The following APBB2 variants were observed in gnomAD, a reference collection of about 807,000 sequenced individuals.
APBB2 encodes amyloid beta precursor protein binding family B member 2, also known as Fe65-like 1.
APBB2 carries 38 observed loss-of-function variants against 82.5 expected under a neutral mutation model. That is an observed-to-expected ratio of 0.46 (90% CI 0.36 to 0.60). The LOEUF (loss-of-function observed/expected upper bound fraction) is 0.60. Ranked by LOEUF, APBB2 falls within the 20% of genes least tolerant of loss-of-function variation. The probability of loss-of-function intolerance (pLI) is 0.00; values close to 1 mark genes in which losing one functional copy is unlikely to be tolerated. For synonymous variants in APBB2, 341 were observed against 368.2 expected (o/e 0.93, Z 0.85); for missense variants, 772 against 972.3 (o/e 0.79, Z 2.74).
At chr4:41,102,958 T>C (rs1745978559) in intron 2 of APBB2, among the ~76,000 whole-genome samples, 1 of 152,248 alleles carries the variant, frequency 6.6e-6, no homozygotes, top group South Asian at 2.1e-4. Context: ...CTGTGAGTTT[T>C]ACTGCAGGAT....
At chr4:40,902,980 A>G (rs1353704017) in intron 10 of APBB2, among the ~76,000 whole-genome samples, 1 of 152,164 alleles carries the variant, frequency 6.6e-6, no homozygotes, top group Admixed American at 6.5e-5. Flanking sequence ...GTCTGTAAAA[A>G]AAATTTTTTT....
intron 4 of APBB2, among the ~76,000 whole-genome samples, chr4:41,057,835 C>A (rs1431566621): frequency 6.6e-6 from 1 of 152,184 alleles, no homozygotes; most frequent in Non-Finnish European, 1.5e-5. Context: ...AGGTCTTAAG[C>A]TTCCCAAGTC....
intron 1 of APBB2, among the ~76,000 whole-genome samples, chr4:41,202,701 TA>T (rs1256450812): frequency 6.6e-6 from 1 of 152,220 alleles, no homozygotes; most frequent in Non-Finnish European, 1.5e-5. Context: ...TTTCAAAAAT[TA>T]ACTTTCAAGG....
chr4:41,082,612 A>G (rs1396107194), intron 3 of APBB2, among the ~76,000 whole-genome samples: 1 of 149,548 alleles, frequency 6.7e-6, no homozygotes, highest in Non-Finnish European at 1.5e-5. Context: ...CTGCTCTGTC[A>G]CCCAGGCTGA....
At chr4:40,856,931 C>T in intron 12 of APBB2, 3 of 985,230 alleles carry the variant, frequency 3.0e-6, no homozygotes, top group Non-Finnish European at 2.4e-6. Flanking sequence ...CCGCGCCCGC[C>T]TCGCTGTCCC....
At chr4:40,949,686 G>T (rs1395498898) in intron 6 of APBB2, among the ~76,000 whole-genome samples, 1 of 152,086 alleles carries the variant, frequency 6.6e-6, no homozygotes, top group African/African-American at 2.4e-5. Context: ...TTTGTTCTCA[G>T]AAAATTACTT....
intron 12 of APBB2, among the ~76,000 whole-genome samples, chr4:40,846,708 G>T (rs1162137419): frequency 6.6e-6 from 1 of 152,154 alleles, no homozygotes; most frequent in African/African-American, 2.4e-5. Flanking sequence ...GTAAAGCCAG[G>T]AGTTAAAGTG....
At chr4:40,890,628 C>T (rs1771727714) in intron 11 of APBB2, 137 bp from the exon 12 acceptor site, 2 of 1,189,992 alleles carry the variant, frequency 1.7e-6, no homozygotes, top group Non-Finnish European at 2.3e-6. Context: ...GCCTAAGAAA[C>T]TTCCTTTCTG....
chr4:40,997,914 T>C (rs1002938016), intron 6 of APBB2, among the ~76,000 whole-genome samples: 1 of 152,208 alleles, frequency 6.6e-6, no homozygotes, highest in Non-Finnish European at 1.5e-5. Context: ...AGTAGGGCTG[T>C]CATTTCAAGG....
At chr4:40,870,892 C>A (rs747424908) in intron 12 of APBB2, among the ~76,000 whole-genome samples, 1 of 151,930 alleles carries the variant, frequency 6.6e-6, no homozygotes, top group African/African-American at 2.4e-5. Context: ...GACACCACAC[C>A]CAGCTAATTT....
chr4:40,873,520 G>A (rs577278754), intron 12 of APBB2, among the ~76,000 whole-genome samples: 417 of 152,306 alleles, frequency 2.7e-3, no homozygotes, highest in South Asian at 5.8e-3. Flanking sequence ...AGAAGGAGCT[G>A]AGACAATTAT....
At chr4:41,138,657 T>C (rs930002126) in intron 2 of APBB2, among the ~76,000 whole-genome samples, 3 of 152,154 alleles carry the variant, frequency 2.0e-5, no homozygotes, top group African/African-American at 7.2e-5. Context: ...TTTATCCTTA[T>C]CAAAAAGCTA....
chr4:41,109,654 T>C (rs1748487797), intron 2 of APBB2, among the ~76,000 whole-genome samples: 1 of 152,146 alleles, frequency 6.6e-6, no homozygotes, highest in African/African-American at 2.4e-5. Context: ...ATATTTTTGG[T>C]AGAGATGGAG....
At chr4:40,824,248 C>T (rs747253280) in intron 15 of APBB2, among the ~76,000 whole-genome samples, 8 of 152,096 alleles carry the variant, frequency 5.3e-5, no homozygotes, top group East Asian at 3.9e-4. Flanking sequence ...GTGCCTTAGA[C>T]GCTGTCTACC....
chr4:41,014,437 A>C, intron 5 of APBB2, 39 bp from the exon 6 acceptor site: 3 of 1,561,568 alleles, frequency 1.9e-6, no homozygotes, highest in East Asian at 2.3e-5. Context: ...TGCCATGATT[A>C]AACTACTTAG....
At chr4:41,054,638 C>G (rs1315454906) in intron 4 of APBB2, among the ~76,000 whole-genome samples, 1 of 152,102 alleles carries the variant, frequency 6.6e-6, no homozygotes, top group African/African-American at 2.4e-5. Context: ...TAACAACAAA[C>G]AAATAAAAAT....
At chr4:40,927,671 A>G (rs1432739081) in intron 10 of APBB2, among the ~76,000 whole-genome samples, 2 of 152,118 alleles carry the variant, frequency 1.3e-5, no homozygotes, top group Non-Finnish European at 2.9e-5. Flanking sequence ...TTGTAGAGAC[A>G]GGGTTTCACC....
intron 6 of APBB2, among the ~76,000 whole-genome samples, chr4:40,968,377 C>A (rs1795166961): frequency 6.6e-6 from 1 of 152,190 alleles, no homozygotes; most frequent in Non-Finnish European, 1.5e-5. Context: ...TCAGTCTACA[C>A]TTTCCAGGGC....
At chr4:40,876,178 T>C (rs1316736756) in intron 12 of APBB2, among the ~76,000 whole-genome samples, 3 of 152,234 alleles carry the variant, frequency 2.0e-5, no homozygotes, top group Non-Finnish European at 4.4e-5. Context: ...TCACTGCATA[T>C]TTTAAAACTT....
Sources: allele counts gnomAD v4.1 joint callset (sites outside exome capture counted in the v4.1 genomes callset), GRCh38; gene constraint gnomAD v4.1.1; transcripts MANE v1.5; gene names NCBI Gene and HGNC (gene_info 2026-07-23, HGNC 2026-07-21).